The following AIG1 variants were observed in gnomAD, a reference collection of about 807,000 sequenced individuals.
AIG1 encodes androgen induced 1, also known as androgen-induced gene 1 protein.
In AIG1, 23 loss-of-function variants were observed where a neutral mutation model predicts 31.4. The ratio of observed to expected loss-of-function variants is 0.73; its 90% CI spans 0.53 to 1.04. AIG1 has a LOEUF of 1.04. Among genes scored for constraint, AIG1 ranks in the 50% least tolerant of loss-of-function variants. AIG1 has a pLI of 0.00. For missense variants in AIG1, 274 were observed against 295.0 expected (o/e 0.93, Z 0.52); for synonymous variants, 100 against 110.5 (o/e 0.90, Z 0.60).
At chr6:143,313,567 G>A (rs1033858641) in intron 4 of AIG1, among the ~76,000 whole-genome samples, 4 of 152,020 alleles carry the variant, frequency 2.6e-5, no homozygotes, top group African/African-American at 9.7e-5. Context: ...AAAGTTAATG[G>A]TGGCAATGAG....
At chr6:143,144,622 C>G (rs1024641319) in intron 2 of AIG1, among the ~76,000 whole-genome samples, 1 of 152,160 alleles carries the variant, frequency 6.6e-6, no homozygotes, top group Non-Finnish European at 1.5e-5. Flanking sequence ...AGAATACCCT[C>G]AGAAATCCAC....
At chr6:143,066,977 C>G (rs1776770904) in intron 1 of AIG1, among the ~76,000 whole-genome samples, 2 of 152,096 alleles carry the variant, frequency 1.3e-5, no homozygotes, top group Non-Finnish European at 2.9e-5. Flanking sequence ...CGAGACCAGC[C>G]TGGGCATCAC....
intron 4 of AIG1, among the ~76,000 whole-genome samples, chr6:143,295,027 C>T (rs1482134140): frequency 6.6e-6 from 1 of 152,188 alleles, no homozygotes; most frequent in Non-Finnish European, 1.5e-5. Context: ...ACTCACTTAG[C>T]AACTGCAAAC....
chr6:143,066,172 A>G (rs939829414), intron 1 of AIG1, among the ~76,000 whole-genome samples: 1 of 152,218 alleles, frequency 6.6e-6, no homozygotes, highest in African/African-American at 2.4e-5. Flanking sequence ...ATTTCTATGC[A>G]CATTCAAGGT....
intron 3 of AIG1, among the ~76,000 whole-genome samples, chr6:143,246,508 G>C (rs1477091583): frequency 3.3e-5 from 5 of 152,074 alleles, no homozygotes; most frequent in Non-Finnish European, 7.4e-5. Context: ...CTCCCACTGG[G>C]TCCCTCCCAC....
chr6:143,104,377 A>G (rs1456507779), intron 1 of AIG1, among the ~76,000 whole-genome samples: 1 of 152,188 alleles, frequency 6.6e-6, no homozygotes, highest in African/African-American at 2.4e-5. Flanking sequence ...CTTCCTTCTG[A>G]CCTTGCTATA....
At chr6:143,241,288 A>T (rs1391205224) in intron 3 of AIG1, among the ~76,000 whole-genome samples, 1 of 152,202 alleles carries the variant, frequency 6.6e-6, no homozygotes, top group Admixed American at 6.5e-5. Flanking sequence ...CCAAACCCCT[A>T]TGTGAAAACC....
In AIG1 at chr6:143,254,398, T is replaced by C. The variant is rs115628107; in HGVS notation, c.400-29712T>C. Among the ~76,000 whole-genome samples the C allele has an allele frequency of 7.7e-3, 1,180 of 152,290 alleles. 14 individuals carry two copies. Among genetic ancestry groups the C allele is most frequent in the African/African-American group, 0.027 (1,132 of 41,562 alleles). On this transcript the variant is annotated intron_variant, in intron 3 of 5. Transcript: ENST00000357847. ...GACAAATTTAAAACAACTTAAGTTA[T>C]TTAAATGAGACTCTTCCCTGGACAC... is the stretch of plus-strand genomic sequence containing the variant.
intron 3 of AIG1, among the ~76,000 whole-genome samples, chr6:143,225,463 GCTTTAT>G (rs892922567): frequency 3.9e-5 from 6 of 152,166 alleles, no homozygotes; most frequent in African/African-American, 7.2e-5. Flanking sequence ...TACTGCCATT[GCTTTAT>G]CTTTAAGTAA....
intron 3 of AIG1, among the ~76,000 whole-genome samples, chr6:143,251,074 A>G (rs915139339): frequency 3.3e-5 from 5 of 152,090 alleles, no homozygotes; most frequent in Admixed American, 6.5e-5. Flanking sequence ...TGTTTTTGAG[A>G]TGGAGTCTTG....
chr6:143,189,190 T>A (rs1162027741), intron 3 of AIG1: 5 of 414,400 alleles, frequency 1.2e-5, no homozygotes, highest in Non-Finnish European at 1.6e-5. Flanking sequence ...ACCACAGATG[T>A]GGACCACCAC....
At chr6:143,164,177 A>G (rs1368458564) in intron 2 of AIG1, among the ~76,000 whole-genome samples, 1 of 152,148 alleles carries the variant, frequency 6.6e-6, no homozygotes, top group South Asian at 2.1e-4. Flanking sequence ...ATTTTGTAGC[A>G]TTTTTTATTT....
chr6:143,128,034 A>G (rs1230936102), intron 1 of AIG1, among the ~76,000 whole-genome samples: 1 of 152,198 alleles, frequency 6.6e-6, no homozygotes, highest in Non-Finnish European at 1.5e-5. Context: ...AATGGGATGA[A>G]ATAAAAGCAA....
At chr6:143,091,698 G>A (rs541387995) in intron 1 of AIG1, among the ~76,000 whole-genome samples, 20 of 152,224 alleles carry the variant, frequency 1.3e-4, no homozygotes, top group African/African-American at 4.1e-4. Context: ...ATGGCTCTGC[G>A]AAACTGTAAT....
chr6:143,231,358 G>C (rs1288422553), intron 3 of AIG1, among the ~76,000 whole-genome samples: 3 of 152,120 alleles, frequency 2.0e-5, no homozygotes, highest in African/African-American at 7.2e-5. Flanking sequence ...ACCTAAAGAG[G>C]TAATTACAAA....
In AIG1 at chr6:143,080,360, G is replaced by A. The variant is rs139394457; in HGVS notation, c.141+19294G>A. Among the ~76,000 whole-genome samples the A allele has an allele frequency of 5.3e-5, 8 of 152,256 alleles. No individual in the cohort carries two copies. In the East Asian group the frequency reaches 7.8e-4, roughly 15 times the overall value. On this transcript the variant is annotated intron_variant, in intron 1 of 5. Transcript: ENST00000357847. ...TGGGGCTCCATTTGAAGAACCATTT[G>A]TAGTTTTACAGCTTCGATTCTGGAA... is the stretch of plus-strand genomic sequence containing the variant.
chr6:143,264,606 C>T (rs1427062518), intron 3 of AIG1, among the ~76,000 whole-genome samples: 1 of 152,156 alleles, frequency 6.6e-6, no homozygotes, highest in Non-Finnish European at 1.5e-5. Flanking sequence ...AAACAAAGCC[C>T]CAGATTCAGG....
chr6:143,171,433 T>TATATATATAATATATATA (rs1562453917), intron 3 of AIG1, among the ~76,000 whole-genome samples: 2 of 89,668 alleles, frequency 2.2e-5, no homozygotes, highest in South Asian at 5.2e-4. Context: ...ATATATATAA[T>TATATATATAATATATATA]ATATATATAA....
rs1346519893 is a variant in AIG1, at chr6:143,280,575, C to T, written c.400-3535C>T. 1.3e-5 allele frequency among the ~76,000 whole-genome samples: 2 copies of T among 152,164 alleles called. No individual in the cohort carries two copies. The highest frequency in any genetic ancestry group is 2.9e-5 in the Non-Finnish European group (2 of 68,034). On this transcript the variant is annotated intron_variant, in intron 3 of 5. Coordinates refer to ENST00000357847, the MANE Select transcript of AIG1 (RefSeq NM_016108.4). The surrounding 1 kb of genome is among the most constrained non-coding windows in gnomAD (Gnocchi z 4.1). ...AGTGAGATCACGTCTTTTGCAGGAGCATGGATGGAGATGGAGGCTGTAATC... is the reference window on the plus strand; with the variant it reads ...AGTGAGATCACGTCTTTTGCAGGAGTATGGATGGAGATGGAGGCTGTAATC...
Sources: gnomAD v4.1 joint callset for allele counts (sites outside exome capture counted in the v4.1 genomes callset) on GRCh38, gnomAD v4.1.1 for gene constraint, Gnocchi (gnomAD v3.1) non-coding constraint, MANE v1.5 for transcripts, NCBI Gene and HGNC (gene_info 2026-07-23, HGNC 2026-07-21) for gene names.